The following NRDE2 variants were observed in gnomAD, a reference collection of about 807,000 sequenced individuals.
The protein encoded by NRDE2 is NRDE-2, necessary for RNA interference, domain containing, also known as nuclear exosome regulator NRDE2.
NRDE2 carries 76 observed loss-of-function variants against 124.2 expected under a neutral mutation model. The observed-to-expected ratio is 0.61, with a 90% CI of 0.51 to 0.74. NRDE2 has a LOEUF of 0.74. NRDE2 is among the 30% of genes least tolerant of loss of function. The probability of loss-of-function intolerance (pLI) is 0.00; values close to 1 mark genes in which losing one functional copy is unlikely to be tolerated. For synonymous variants in NRDE2, 489 were observed against 528.1 expected, an observed-to-expected ratio of 0.93 and a Z score of 1.01; for missense variants, 1,314 against 1,417.3, an observed-to-expected ratio of 0.93 and a Z score of 1.17.
Position 90,298,214 on chromosome 14 carries a change from T to C in NRDE2, c.1666+46A>G, listed in dbSNP as rs1017018103. 5.0e-6 allele frequency: 8 copies of C among 1,595,962 alleles called. No homozygotes were observed. In the East Asian group the frequency reaches 1.3e-4, roughly 27 times the overall value. On this transcript the variant is annotated intron_variant, in intron 8 of 13. Transcript: ENST00000354366. Reference sequence around the variant, plus strand: ...ATAATCATGAGGATGTAAAAACAAATTCCAGAAGAAACAGAAGTACACGTC... The same window carrying C: ...ATAATCATGAGGATGTAAAAACAAACTCCAGAAGAAACAGAAGTACACGTC...
rs1173833249 is a variant in NRDE2, at chr14:90,275,386, G to C, written c.*2950C>G. The C allele has an allele frequency of 6.6e-6, 1 of 152,134 alleles. No homozygotes were observed. Among genetic ancestry groups the C allele is most frequent in the Non-Finnish European group, 1.5e-5 (1 of 68,038 alleles). The allele number at this position is 152,134 out of a possible 1,614,324, so 9.4% of individuals were successfully genotyped here. On this transcript the variant is annotated 3_prime_UTR_variant, in exon 14 of 14. Coordinates refer to ENST00000354366, the MANE Select transcript of NRDE2 (RefSeq NM_017970.4). ...AAACAAAATTCTTTGTAACGCACTT[G>C]CATCTTTTCCTAAGTTTGAGATTAA... is the stretch of plus-strand genomic sequence containing the variant.
Position 90,270,566 on chromosome 14 carries a change from C to A in NRDE2, c.*7770G>T. On this transcript the variant is annotated 3_prime_UTR_variant, in exon 14 of 14. Coordinates refer to ENST00000354366, the MANE Select transcript of NRDE2 (RefSeq NM_017970.4). ...TTATGCAGTGAATGACGCTAAATCACCTGGAGCCACAAGGCTGAGTCGCTG... is the reference window on the plus strand; with the variant it reads ...TTATGCAGTGAATGACGCTAAATCAACTGGAGCCACAAGGCTGAGTCGCTG... 2.0e-6 allele frequency: 1 copy of A among 509,948 alleles called. No individual in the cohort carries two copies. The highest frequency in any genetic ancestry group is 3.2e-6 in the Non-Finnish European group (1 of 308,278). 31.6% of individuals were successfully genotyped at this position (509,948 alleles called of 1,614,324 possible).
At chr14:90,292,631 G>A (rs919113103) in intron 9 of NRDE2, 66 bp downstream of exon 9, 112 of 1,540,684 alleles carry the variant, frequency 7.3e-5, no homozygotes, top group Non-Finnish European at 9.2e-5. Flanking sequence ...TAACCAAAGC[G>A]CATGGGAATG....
At chr14:90,321,413 GA>G (rs902086053) in intron 1 of NRDE2, among the ~76,000 whole-genome samples, 25 of 151,338 alleles carry the variant, frequency 1.7e-4, no homozygotes, top group African/African-American at 5.8e-4. Context: ...TACTGTGGGG[GA>G]AAAAAATTCA....
chr14:90,299,906 C>T (rs1884331115), intron 7 of NRDE2, among the ~76,000 whole-genome samples: 1 of 152,182 alleles, frequency 6.6e-6, no homozygotes, highest in Admixed American at 6.5e-5. Flanking sequence ...TGTTAAATCA[C>T]GCTACTGTGT....
intron 12 of NRDE2, among the ~76,000 whole-genome samples, chr14:90,282,728 C>T (rs201989685): frequency 3.6e-4 from 55 of 151,806 alleles, no homozygotes; most frequent in Non-Finnish European, 5.9e-4. Context: ...AGTGCGGTGG[C>T]GCGATCTCGG....
At position 90,298,273 on chromosome 14, in the gene NRDE2, C is replaced by T. The variant is rs750174085; in HGVS notation, c.1653G>A (p.Val551=). 3.1e-6 allele frequency: 5 copies of T among 1,613,548 alleles called. No individual in the cohort carries two copies. The highest frequency in any genetic ancestry group is 1.3e-5 in the African/African-American group (1 of 75,030). ...WMHQQERGGW[V]VINPDEDDDE... is the part of the protein sequence containing the mutation. ...GAGGTGACTTACCTGGGTTGATGAC[C>T]ACCCAGCCACCTCGTTCCTGCTGGT... is the stretch of plus-strand genomic sequence containing the variant. The change falls in exon 8 of 14, where the codon GTG becomes GTA. Residue 551 remains valine, a synonymous_variant. Coordinates refer to ENST00000354366, the MANE Select transcript of NRDE2 (RefSeq NM_017970.4).
intron 7 of NRDE2, among the ~76,000 whole-genome samples, chr14:90,299,568 A>C (rs551445915): frequency 6.6e-6 from 1 of 152,204 alleles, no homozygotes; most frequent in Admixed American, 6.5e-5. Flanking sequence ...AACCTTTTGA[A>C]GAGGACAAGC....
chr14:90,268,177 G>A lies in NRDE2; in HGVS notation c.*10159C>T. The A allele has an allele frequency of 6.9e-7, 1 of 1,446,278 alleles. No homozygotes were observed. The highest frequency in any genetic ancestry group is 9.2e-7 in the Non-Finnish European group (1 of 1,085,574). The allele number at this position is 1,446,278 out of a possible 1,614,324, so 89.6% of individuals were successfully genotyped here. A position where few individuals can be genotyped will look rare whatever the true frequency, so the allele number is the denominator to read the frequency against. ...ATGATACGAGTTTTTAAGTTAAAAT[G>A]GCACTTAAGGTGTCTTTTTTTTTTT... On this transcript the variant is annotated 3_prime_UTR_variant, in exon 14 of 14. Coordinates refer to ENST00000354366, the MANE Select transcript of NRDE2 (RefSeq NM_017970.4).
At chr14:90,303,191 C>T (rs968917167) in intron 5 of NRDE2, 66 bp from the exon 6 acceptor site, 6 of 1,461,058 alleles carry the variant, frequency 4.1e-6, no homozygotes, top group Non-Finnish European at 5.5e-6. Context: ...TTCAACAATG[C>T]TTACTGATTT....
rs1555358537 is a variant in NRDE2, at chr14:90,274,832, A to ACACAC, written c.*3499_*3503dup. On this transcript the variant is annotated 3_prime_UTR_variant, in exon 14 of 14. Transcript: ENST00000354366. ...CACACACACACACACACACACACAC[A>ACACAC]CACACACCCCAATACATATGAATTG... The ACACAC allele has an allele frequency of 6.2e-5, 4 of 64,610 alleles. No homozygotes were observed. Among genetic ancestry groups the ACACAC allele is most frequent in the Non-Finnish European group, 1.3e-4 (4 of 30,176 alleles). The allele number at this position is 64,610 out of a possible 1,614,324, so 4.0% of individuals were successfully genotyped here. A position where few individuals can be genotyped will look rare whatever the true frequency, so the allele number is the denominator to read the frequency against.
At chr14:90,330,928 CT>C (rs776117410) in intron 1 of NRDE2, among the ~76,000 whole-genome samples, 1 of 151,360 alleles carries the variant, frequency 6.6e-6, no homozygotes, top group Non-Finnish European at 1.5e-5. Flanking sequence ...TTTAGAATTA[CT>C]TTTTTTTCTT....
At chr14:90,289,803 G>A (rs1297384553) in intron 10 of NRDE2, among the ~76,000 whole-genome samples, 2 of 152,178 alleles carry the variant, frequency 1.3e-5, no homozygotes, top group Non-Finnish European at 2.9e-5. Context: ...GGCCAGGTTG[G>A]TCTCGAACTC....
rs1891730630 is a variant in NRDE2, at chr14:90,273,855, C to G, written c.*4481G>C. The G allele has an allele frequency of 6.5e-6, 1 of 155,004 alleles. No homozygotes were observed. The highest frequency in any genetic ancestry group is 2.0e-4 in the South Asian group (1 of 4,926). The allele number at this position is 155,004 out of a possible 1,614,324, so 9.6% of individuals were successfully genotyped here. On this transcript the variant is annotated 3_prime_UTR_variant, in exon 14 of 14. Coordinates refer to ENST00000354366, the MANE Select transcript of NRDE2 (RefSeq NM_017970.4). ...GCACTTCATTTTCCACCAGCAGCAG[C>G]AGGCCCAGTCCCTCTCTCCCACCGA...
At chr14:90,287,997 C>T (rs572492455) in intron 11 of NRDE2, among the ~76,000 whole-genome samples, 25 of 152,320 alleles carry the variant, frequency 1.6e-4, no homozygotes, top group Non-Finnish European at 2.8e-4. Flanking sequence ...GAAGCACACC[C>T]AGGCGACAGC....
Position 90,268,750 on chromosome 14 carries a change from G to C in NRDE2, c.*9586C>G, listed in dbSNP as rs1297725244. The C allele has an allele frequency of 4.6e-6, 1 of 215,918 alleles. No homozygotes were observed. Among genetic ancestry groups the C allele is most frequent in the Non-Finnish European group, 9.1e-6 (1 of 110,058 alleles). 13.4% of individuals were successfully genotyped at this position (215,918 alleles called of 1,614,324 possible). A position where few individuals can be genotyped will look rare whatever the true frequency, so the allele number is the denominator to read the frequency against. ...GGATCAGATACCAAACATGGAAACA[G>C]AATAAATGATACAATTTCAGACACA... is the stretch of plus-strand genomic sequence containing the variant. On this transcript the variant is annotated 3_prime_UTR_variant, in exon 14 of 14. Transcript: ENST00000354366.
Position 90,268,509 on chromosome 14 carries a change from C to A in NRDE2, c.*9827G>T. 1.6e-6 allele frequency: 2 copies of A among 1,247,056 alleles called. No individual in the cohort carries two copies. Among genetic ancestry groups the A allele is most frequent in the Non-Finnish European group, 2.3e-6 (2 of 873,700 alleles). The allele number at this position is 1,247,056 out of a possible 1,614,324, so 77.2% of individuals were successfully genotyped here. A position where few individuals can be genotyped will look rare whatever the true frequency, so the allele number is the denominator to read the frequency against. The stretch of plus-strand genomic sequence containing the variant: ...CAATCTCAGGGGGCTCTCCCTATGG[C>A]CACAGTTCTTGCTGTGCGTGGCCTT... On this transcript the variant is annotated 3_prime_UTR_variant, in exon 14 of 14. Coordinates refer to ENST00000354366, the MANE Select transcript of NRDE2 (RefSeq NM_017970.4).
intron 4 of NRDE2, among the ~76,000 whole-genome samples, chr14:90,312,053 AT>A (rs1884861500): frequency 6.6e-6 from 1 of 152,258 alleles, no homozygotes; most frequent in African/African-American, 2.4e-5. Context: ...ACTTTAAAAA[AT>A]GACATATAGG....
chr14:90,301,665 A>T (rs987969019), intron 6 of NRDE2: 7 of 461,356 alleles, frequency 1.5e-5, no homozygotes, highest in African/African-American at 1.0e-4. Flanking sequence ...GCTATCAAAT[A>T]ATCACAGCTC....
Sources: allele counts gnomAD v4.1 joint callset (sites outside exome capture counted in the v4.1 genomes callset), GRCh38; gene constraint gnomAD v4.1.1; transcripts MANE v1.5; gene names NCBI Gene and HGNC (gene_info 2026-07-23, HGNC 2026-07-21).